VSIG4: variants seen among roughly 807,000 people sequenced by gnomAD.
The protein encoded by VSIG4 is V-set and immunoglobulin domain containing 4, also known as V-set and immunoglobulin domain-containing protein 4.
In VSIG4, 34 loss-of-function variants were observed where a neutral mutation model predicts 23.4. The ratio of observed to expected loss-of-function variants is 1.45; its 90% CI spans 1.10 to 1.93. The LOEUF (loss-of-function observed/expected upper bound fraction) is 1.93. VSIG4 is among the 30% of genes most tolerant of loss of function. The probability of loss-of-function intolerance (pLI) is 0.00; values close to 1 mark genes in which losing one functional copy is unlikely to be tolerated. For synonymous variants in VSIG4, 169 were observed against 120.3 expected (o/e 1.41, Z -2.65); for missense variants, 433 against 310.8 (o/e 1.39, Z -2.96).
intron 6 of VSIG4, among the ~76,000 whole-genome samples, chrX:66,024,094 G>T (rs2085362844): frequency 8.9e-6 from 1 of 112,433 alleles, no homozygotes; most frequent in African/African-American, 3.2e-5. Context: ...TAGTAACCAG[G>T]CTATTTGGGA....
intron 1 of VSIG4, among the ~76,000 whole-genome samples, chrX:66,034,508 A>G (rs1261503973): frequency 1.8e-5 from 2 of 111,830 alleles, no homozygotes; most frequent in Non-Finnish European, 3.8e-5. Flanking sequence ...ATCATTAGCT[A>G]TTGTTAAATT....
intron 1 of VSIG4, among the ~76,000 whole-genome samples, chrX:66,034,784 A>C (rs2085516718): frequency 1.0e-5 from 1 of 100,300 alleles, no homozygotes; most frequent in South Asian, 5.2e-4. Flanking sequence ...GGGGTGGGGA[A>C]GGAGGTGGGG....
intron 4 of VSIG4, among the ~76,000 whole-genome samples, chrX:66,027,774 C>T (rs1044616059): frequency 8.0e-5 from 9 of 112,443 alleles, no homozygotes; most frequent in African/African-American, 3.2e-5. Context: ...GCAAGTCAAA[C>T]TAGGAGCAGA....
chrX:66,024,153 C>A (rs977191501), intron 6 of VSIG4, among the ~76,000 whole-genome samples: 7 of 112,411 alleles, frequency 6.2e-5, no homozygotes, highest in Non-Finnish European at 9.4e-5. Flanking sequence ...GGCAACATGA[C>A]TAGTGCACTG....
At chrX:66,027,646 C>A in intron 4 of VSIG4, 120 bp from the exon 5 acceptor site, 1 of 548,925 alleles carries the variant, frequency 1.8e-6, no homozygotes, top group Non-Finnish European at 3.1e-6. Flanking sequence ...TTCCAGGGTA[C>A]CTGACCATGT....
chrX:66,032,840 G>A, intron 2 of VSIG4, 91 bp from the exon 3 acceptor site: 1 of 922,767 alleles, frequency 1.1e-6, no homozygotes, highest in South Asian at 2.7e-5. Flanking sequence ...GTAAGGGCAT[G>A]CATATATCTG....
intron 6 of VSIG4, among the ~76,000 whole-genome samples, chrX:66,023,741 G>A (rs1409845102): frequency 8.9e-6 from 1 of 112,238 alleles, no homozygotes; most frequent in East Asian, 2.8e-4. Flanking sequence ...ATGAGACTAG[G>A]TATAAGGAAG....
chrX:66,026,379 C>A (rs1424783438), intron 5 of VSIG4, among the ~76,000 whole-genome samples: 1 of 111,901 alleles, frequency 8.9e-6, no homozygotes. Context: ...GAGTCAAGTA[C>A]TAAAAAACTT....
At chrX:66,037,770 A>T (rs950063833) in intron 1 of VSIG4, among the ~76,000 whole-genome samples, 40 of 103,585 alleles carry the variant, frequency 3.9e-4, no homozygotes, top group Non-Finnish European at 7.2e-4. Flanking sequence ...ATATATACTT[A>T]TTGCTGATAA....
intron 1 of VSIG4, among the ~76,000 whole-genome samples, chrX:66,035,091 G>C (rs1019634088): frequency 9.0e-6 from 1 of 111,119 alleles, no homozygotes; most frequent in Non-Finnish European, 1.9e-5. Flanking sequence ...CAGGACTTCT[G>C]TTAATAGAGA....
intron 6 of VSIG4, among the ~76,000 whole-genome samples, chrX:66,023,518 G>A (rs1337551941): frequency 8.9e-6 from 1 of 112,509 alleles, no homozygotes; most frequent in Non-Finnish European, 1.9e-5. Flanking sequence ...AACAAGGGAA[G>A]CCACAGGACT....
Position 66,025,023 on chromosome X carries a change from A to G in VSIG4, c.940+2T>C. 8.5e-7 allele frequency: 1 copy of G among 1,177,117 alleles called. No homozygotes were observed. On this transcript the variant is annotated splice_donor_variant, in intron 6 of 7. Transcript: ENST00000374737. LOFTEE classifies it high-confidence loss of function. ...AGCCACCTTCTCATATTCATCACTA[A>G]CCTTGTTGGGATGTCTTCCGACAGA...
chrX:66,036,635 GATAATATTTTA>G (rs1329719579), intron 1 of VSIG4, among the ~76,000 whole-genome samples: 7 of 71,888 alleles, frequency 9.7e-5, no homozygotes, highest in Admixed American at 6.7e-4. Context: ...TTATAATATA[GATAATATTTTA>G]ATAATATAAT....
At chrX:66,028,715 C>T (rs1355692811) in intron 3 of VSIG4, among the ~76,000 whole-genome samples, 2 of 109,633 alleles carry the variant, frequency 1.8e-5, no homozygotes, top group Non-Finnish European at 3.8e-5. Flanking sequence ...ACCCCTTCTA[C>T]CTCAGAGGTA....
chrX:66,034,669 G>C (rs954311124), intron 1 of VSIG4, among the ~76,000 whole-genome samples: 3 of 106,895 alleles, frequency 2.8e-5, no homozygotes, highest in African/African-American at 1.0e-4. Flanking sequence ...AGAGGAAAAG[G>C]TTCTGAGTGA....
At chrX:66,023,042 A>T (rs1339085785) in intron 6 of VSIG4, among the ~76,000 whole-genome samples, 180 bp from the exon 7 acceptor site, 1 of 110,939 alleles carries the variant, frequency 9.0e-6, no homozygotes, top group African/African-American at 3.3e-5. Context: ...AGAGATGCAA[A>T]TTTATCAGGT....
intron 1 of VSIG4, among the ~76,000 whole-genome samples, chrX:66,037,568 CTTATTATATTATATTACTTCCTTTA>C (rs2085628282): frequency 3.2e-5 from 1 of 30,996 alleles, no homozygotes; most frequent in African/African-American, 1.5e-4. Flanking sequence ...TATTTATATA[CTTATTATATTATATTACTTCCTTTA>C]TTATTACTTC....
rs2085337631 is a variant in VSIG4 at position 66,022,074 on chromosome X, C to T, written c.*189G>A. On this transcript the variant is annotated 3_prime_UTR_variant, in exon 8 of 8. Coordinates refer to ENST00000374737, the MANE Select transcript of VSIG4 (RefSeq NM_007268.3). The stretch of plus-strand genomic sequence containing the variant: ...TACTAGAAGGGCCCAGAGCCAAATC[C>T]AGCAGCTGGCTTACTTGAGATGCAT... The T allele has an allele frequency of 8.6e-7, 1 of 1,163,565 alleles. No individual in the cohort carries two copies. Among genetic ancestry groups the T allele is most frequent in the East Asian group, 3.3e-5 (1 of 30,630 alleles).
intron 3 of VSIG4, among the ~76,000 whole-genome samples, chrX:66,030,975 G>A (rs2147664665): frequency 9.0e-6 from 1 of 110,731 alleles, no homozygotes; most frequent in South Asian, 3.9e-4. Context: ...TGAAATAGGG[G>A]GTCAGACTCA....
Sources: allele counts gnomAD v4.1 joint callset (sites outside exome capture counted in the v4.1 genomes callset), GRCh38; gene constraint gnomAD v4.1.1; transcripts MANE v1.5; gene names NCBI Gene and HGNC (gene_info 2026-07-23, HGNC 2026-07-21).